Variants in STX17 observed in about 807,000 individuals in gnomAD.
STX17 encodes the protein syntaxin 17.
STX17 carries 29 observed loss-of-function variants against 35.9 expected under a neutral mutation model. The observed-to-expected ratio is 0.81, with a 90% CI of 0.60 to 1.10. The LOEUF (loss-of-function observed/expected upper bound fraction) is 1.10. Among genes scored for constraint, STX17 ranks in the 50% least tolerant of loss-of-function variants. The pLI, the probability that STX17 is intolerant of heterozygous loss-of-function variation, is 0.00. For synonymous variants in STX17, 92 were observed against 118.3 expected, an observed-to-expected ratio of 0.78 and a Z score of 1.44; for missense variants, 312 against 352.3, an observed-to-expected ratio of 0.89 and a Z score of 0.92.
chr9:99,931,891 G>A (rs772748683), intron 3 of STX17, among the ~76,000 whole-genome samples: 1 of 151,914 alleles, frequency 6.6e-6, no homozygotes, highest in African/African-American at 2.4e-5. Flanking sequence ...GGTGTAATAG[G>A]TTTTTTTGTT....
intron 4 of STX17, among the ~76,000 whole-genome samples, chr9:99,953,500 T>G (rs1829646239): frequency 6.6e-6 from 1 of 152,106 alleles, no homozygotes; most frequent in African/African-American, 2.4e-5. Context: ...ACCGTTTCAT[T>G]ATTCTGTTCA....
intron 2 of STX17, among the ~76,000 whole-genome samples, chr9:99,915,765 C>T (rs1403678547): frequency 6.6e-6 from 1 of 152,094 alleles, no homozygotes; most frequent in African/African-American, 2.4e-5. Context: ...TGCTTTGTTG[C>T]CCAGGCTGGT....
intron 1 of STX17, among the ~76,000 whole-genome samples, chr9:99,908,181 A>G (rs976242497): frequency 2.0e-5 from 3 of 152,206 alleles, no homozygotes; most frequent in Non-Finnish European, 4.4e-5. Context: ...GTTAATCTTG[A>G]TCACTTGGTA....
At chr9:99,957,309 C>T (rs1421900073) in intron 4 of STX17, among the ~76,000 whole-genome samples, 1 of 152,148 alleles carries the variant, frequency 6.6e-6, no homozygotes, top group African/African-American at 2.4e-5. Context: ...TCATAAAATA[C>T]TTATGTATAT....
At chr9:99,945,751 T>C in intron 3 of STX17, 1 of 402,176 alleles carries the variant, frequency 2.5e-6, no homozygotes, top group Admixed American at 2.8e-5. Context: ...TCTCCAAGGA[T>C]TTCATCAACT....
At chr9:99,936,667 A>G (rs910084070) in intron 3 of STX17, among the ~76,000 whole-genome samples, 1 of 152,010 alleles carries the variant, frequency 6.6e-6, no homozygotes, top group Admixed American at 6.6e-5. Context: ...AAGTGGTATT[A>G]TTCTATTTCA....
chr9:99,968,385 C>T, intron 7 of STX17, 49 bp from the exon 8 acceptor site: 1 of 1,514,508 alleles, frequency 6.6e-7, no homozygotes, highest in Non-Finnish European at 8.8e-7. Context: ...TCACCACAGG[C>T]AGATATTCTC....
intron 4 of STX17, 60 bp from the exon 5 acceptor site, chr9:99,959,857 G>T: frequency 1.6e-6 from 2 of 1,232,856 alleles, no homozygotes; most frequent in Non-Finnish European, 2.3e-6. Context: ...ATCAATTTAT[G>T]CTGTCTCTTT....
chr9:99,968,352 G>A lies in STX17; in HGVS notation c.670-82G>A, dbSNP rs111562619. On this transcript the variant is annotated intron_variant, in intron 7 of 7. Transcript: ENST00000259400. ...CCAAGAGTTAAAGAGGCATTGCCAG[G>A]AGTAATGAGAGGAAAACGCACATCA... 6 of 1,479,740 alleles carry A rather than the reference G, an allele frequency of 4.1e-6. No homozygotes were observed. The African/African-American group carries it at 4.2e-5, about 10-fold the overall frequency. The allele number at this position is 1,479,740 out of a possible 1,614,324, so 91.7% of individuals were successfully genotyped here. A position where few individuals can be genotyped will look rare whatever the true frequency, so the allele number is the denominator to read the frequency against.
intron 1 of STX17, among the ~76,000 whole-genome samples, chr9:99,910,247 GAAA>G (rs969732591): frequency 7.7e-6 from 1 of 129,084 alleles, no homozygotes; most frequent in African/African-American, 2.8e-5. Context: ...CAAAAAAAAA[GAAA>G]AAAAAAAAAG....
intron 3 of STX17, among the ~76,000 whole-genome samples, chr9:99,932,429 G>A (rs1410631491): frequency 6.6e-6 from 1 of 152,024 alleles, no homozygotes; most frequent in Non-Finnish European, 1.5e-5. Flanking sequence ...TTAGATGATA[G>A]GTCTAACAAG....
At position 99,973,225 on chromosome 9, in the gene STX17, A is replaced by C. The variant is rs963841086; in HGVS notation, c.*4552A>C. 1.1e-4 allele frequency among the ~76,000 whole-genome samples: 17 copies of C among 151,766 alleles called. No individual in the cohort carries two copies. Among genetic ancestry groups the C allele is most frequent in the African/African-American group, 4.1e-4 (17 of 41,382 alleles). ...GTGCAATATTAAATTGAAAAAAAAAAACCCATAAAAAGTGTCAAAGGCAAA... is the reference window on the plus strand; with the variant it reads ...GTGCAATATTAAATTGAAAAAAAAACACCCATAAAAAGTGTCAAAGGCAAA... On this transcript the variant is annotated 3_prime_UTR_variant, in exon 8 of 8. Transcript: ENST00000259400.
chr9:99,941,988 G>A (rs565457936), intron 3 of STX17, among the ~76,000 whole-genome samples: 1 of 152,168 alleles, frequency 6.6e-6, no homozygotes, highest in African/African-American at 2.4e-5. Flanking sequence ...ATATTCCTAG[G>A]ACAGGAATTG....
rs2118563749 is a variant in STX17 at position 99,971,456 on chromosome 9, A to G, written c.*2783A>G. ...TTTTTATTGTTTCAGTTTTTAAAAT[A>G]TGCCAGTTGCAACCCACTAAATTGA... is the stretch of plus-strand genomic sequence containing the variant. On this transcript the variant is annotated 3_prime_UTR_variant, in exon 8 of 8. Transcript: ENST00000259400. Among the ~76,000 whole-genome samples the G allele has an allele frequency of 6.6e-6, 1 of 152,308 alleles. No homozygotes were observed. Among genetic ancestry groups the G allele is most frequent in the African/African-American group, 2.4e-5 (1 of 41,554 alleles).
At chr9:99,921,419 T>C (rs1828884195) in intron 2 of STX17, among the ~76,000 whole-genome samples, 1 of 152,174 alleles carries the variant, frequency 6.6e-6, no homozygotes, top group Non-Finnish European at 1.5e-5. Context: ...ACTTTACAGT[T>C]ATCATTGTTA....
At chr9:99,912,884 A>G (rs1828691481) in intron 1 of STX17, among the ~76,000 whole-genome samples, 1 of 151,750 alleles carries the variant, frequency 6.6e-6, no homozygotes, top group African/African-American at 2.4e-5. Context: ...CTTTGGGTTT[A>G]TTTTCTTTAT....
intron 1 of STX17, chr9:99,914,222 T>C (rs535429930): frequency 6.6e-6 from 1 of 152,320 alleles, no homozygotes; most frequent in African/African-American, 2.4e-5. Context: ...CATACTCAAC[T>C]TAAAATTTTT....
At chr9:99,949,151 G>T (rs907780339) in intron 3 of STX17, among the ~76,000 whole-genome samples, 1 of 151,920 alleles carries the variant, frequency 6.6e-6, no homozygotes, top group Non-Finnish European at 1.5e-5. Context: ...GCTCACTTAT[G>T]CCCCCTTTAA....
rs1830014943 is a variant in STX17, at chr9:99,971,524, C to T, written c.*2851C>T. Among the ~76,000 whole-genome samples the T allele has an allele frequency of 6.6e-6, 1 of 152,102 alleles. No homozygotes were observed. Among genetic ancestry groups the T allele is most frequent in the Admixed American group, 6.5e-5 (1 of 15,272 alleles). ...CAACCCTTAGCTTGAAAAAAACACC[C>T]TCACAGAGGAACTGGTATTTCTTGA... On this transcript the variant is annotated 3_prime_UTR_variant, in exon 8 of 8. Transcript: ENST00000259400.
Sources: gnomAD v4.1 joint callset for allele counts (sites outside exome capture counted in the v4.1 genomes callset) on GRCh38, gnomAD v4.1.1 for gene constraint, MANE v1.5 for transcripts, NCBI Gene and HGNC (gene_info 2026-07-23, HGNC 2026-07-21) for gene names.